The following CNTN6 variants were observed in gnomAD, a reference collection of about 807,000 sequenced individuals.
CNTN6 encodes the protein contactin 6.
CNTN6 carries 137 observed loss-of-function variants against 122.8 expected under a neutral mutation model. The observed-to-expected ratio is 1.12, with a 90% CI of 0.97 to 1.29. The LOEUF (loss-of-function observed/expected upper bound fraction) is 1.29. Among genes scored for constraint, CNTN6 ranks in the 50% most tolerant of loss-of-function variants. The pLI is 0.00. For missense variants in CNTN6, 1,634 were observed against 1,223.4 expected (o/e 1.34, Z -5.01); for synonymous variants, 570 against 426.0 (o/e 1.34, Z -4.16).
At chr3:1,340,989 C>T (rs975751829) in intron 11 of CNTN6, among the ~76,000 whole-genome samples, 140 of 152,218 alleles carry the variant, frequency 9.2e-4, no homozygotes, top group African/African-American at 3.2e-3. Context: ...AAGCTTTCAG[C>T]AGAAACAACT....
In CNTN6 at chr3:1,399,578, C is replaced by T. The variant is rs114522033; in HGVS notation, c.2705-1855C>T. On this transcript the variant is annotated intron_variant, in intron 20 of 22. Coordinates refer to ENST00000446702, the MANE Select transcript of CNTN6 (RefSeq NM_001289080.2). ...TGGATTGCTATGAGTCTGACCACGG[C>T]AATTGGTCTTGATCATAGGACAACA... is the stretch of plus-strand genomic sequence containing the variant. 2.5e-3 allele frequency among the ~76,000 whole-genome samples: 385 copies of T among 152,164 alleles called. 3 individuals carry two copies. Among genetic ancestry groups the T allele is most frequent in the African/African-American group, 8.8e-3 (367 of 41,530 alleles).
intron 11 of CNTN6, among the ~76,000 whole-genome samples, chr3:1,332,026 C>A (rs542863082): frequency 1.3e-5 from 2 of 151,918 alleles, no homozygotes; most frequent in Admixed American, 6.6e-5. Context: ...GGGAATGAAC[C>A]CTGTGAGTTC....
chr3:1,162,178 G>A (rs958260142), intron 2 of CNTN6, among the ~76,000 whole-genome samples: 8 of 152,126 alleles, frequency 5.3e-5, no homozygotes, highest in Admixed American at 1.3e-4. Context: ...CAACATTTGA[G>A]TAAGGAACAA....
At chr3:1,346,057 G>T (rs1442690613) in intron 11 of CNTN6, among the ~76,000 whole-genome samples, 1 of 150,886 alleles carries the variant, frequency 6.6e-6, no homozygotes, top group Non-Finnish European at 1.5e-5. Context: ...CAAAGTTATG[G>T]TTGATACCAA....
intron 9 of CNTN6, 122 bp downstream of exon 9, chr3:1,326,073 G>A: frequency 1.3e-6 from 1 of 774,742 alleles, no homozygotes; most frequent in South Asian, 2.1e-5. Flanking sequence ...TTCCAGGAAA[G>A]GATGCATACA....
At chr3:1,251,393 C>T (rs573153581) in intron 4 of CNTN6, among the ~76,000 whole-genome samples, 2 of 152,166 alleles carry the variant, frequency 1.3e-5, no homozygotes, top group African/African-American at 4.8e-5. Flanking sequence ...AACAACTACT[C>T]CTGTCCTTCT....
intron 11 of CNTN6, among the ~76,000 whole-genome samples, chr3:1,330,648 T>C (rs764341334): frequency 6.6e-6 from 1 of 151,902 alleles, no homozygotes; most frequent in Non-Finnish European, 1.5e-5. Flanking sequence ...AATCCTAATG[T>C]GAACGAGCCA....
chr3:1,301,697 A>T (rs1327811760), intron 7 of CNTN6, among the ~76,000 whole-genome samples: 1 of 151,556 alleles, frequency 6.6e-6, no homozygotes, highest in Non-Finnish European at 1.5e-5. Context: ...CCTTGTGGTA[A>T]AAATGGAAAG....
At chr3:1,110,717 A>G (rs534205670) in intron 1 of CNTN6, among the ~76,000 whole-genome samples, 5 of 152,162 alleles carry the variant, frequency 3.3e-5, no homozygotes, top group South Asian at 2.1e-4. Flanking sequence ...AGGTTTGACA[A>G]TGTTGTCAGG....
intron 1 of CNTN6, among the ~76,000 whole-genome samples, chr3:1,138,215 A>G (rs1343661784): frequency 6.6e-6 from 1 of 152,214 alleles, no homozygotes; most frequent in Non-Finnish European, 1.5e-5. Context: ...TCAGGATGGA[A>G]CTAGCACCTC....
At chr3:1,368,065 G>C (rs1275196202) in intron 12 of CNTN6, among the ~76,000 whole-genome samples, 1 of 152,172 alleles carries the variant, frequency 6.6e-6, no homozygotes, top group African/African-American at 2.4e-5. Flanking sequence ...AAAATCCACA[G>C]GCTTAGAAAT....
At chr3:1,138,506 G>A (rs1490593684) in intron 1 of CNTN6, among the ~76,000 whole-genome samples, 1 of 151,796 alleles carries the variant, frequency 6.6e-6, no homozygotes, top group Non-Finnish European at 1.5e-5. Flanking sequence ...TGTTTTGGCC[G>A]ATACTGATCT....
chr3:1,312,655 A>G (rs1029094615), intron 7 of CNTN6, among the ~76,000 whole-genome samples: 2 of 150,792 alleles, frequency 1.3e-5, no homozygotes, highest in African/African-American at 4.9e-5. Flanking sequence ...GTTGCAAGAC[A>G]CATTAGTTCC....
At chr3:1,277,964 C>G (rs1692717078) in intron 4 of CNTN6, among the ~76,000 whole-genome samples, 1 of 152,216 alleles carries the variant, frequency 6.6e-6, no homozygotes, top group South Asian at 2.1e-4. Context: ...TTCTGTCACA[C>G]AGAACTCTTT....
At chr3:1,135,798 G>T (rs1156603855) in intron 1 of CNTN6, among the ~76,000 whole-genome samples, 7 of 152,062 alleles carry the variant, frequency 4.6e-5, no homozygotes, top group Admixed American at 4.6e-4. Flanking sequence ...TTCAAGACCT[G>T]CCTGACCAAC....
At chr3:1,262,485 G>C (rs1218302089) in intron 4 of CNTN6, among the ~76,000 whole-genome samples, 5 of 152,080 alleles carry the variant, frequency 3.3e-5, no homozygotes, top group African/African-American at 1.2e-4. Context: ...CACTTTGTTG[G>C]TCTAAGATTT....
intron 11 of CNTN6, among the ~76,000 whole-genome samples, chr3:1,336,683 C>T (rs1046963521): frequency 6.6e-6 from 1 of 152,066 alleles, no homozygotes; most frequent in Non-Finnish European, 1.5e-5. Context: ...AATGCATGTA[C>T]CTTGTGGGAA....
intron 4 of CNTN6, among the ~76,000 whole-genome samples, chr3:1,277,463 A>AAT (rs1692615274): frequency 7.0e-6 from 1 of 143,004 alleles, no homozygotes; most frequent in Non-Finnish European, 1.5e-5. Context: ...GGGTTCAAGC[A>AAT]ATTCTCATGC....
At chr3:1,307,568 A>ACAAATGCATCATAAT (rs1698563635) in intron 7 of CNTN6, among the ~76,000 whole-genome samples, 1 of 152,096 alleles carries the variant, frequency 6.6e-6, no homozygotes, top group Non-Finnish European at 1.5e-5. Context: ...GATTATTATA[A>ACAAATGCATCATAAT]AGTCCATATT....
Sources: gnomAD v4.1 joint callset for allele counts (sites outside exome capture counted in the v4.1 genomes callset) on GRCh38, gnomAD v4.1.1 for gene constraint, MANE v1.5 for transcripts, NCBI Gene and HGNC (gene_info 2026-07-23, HGNC 2026-07-21) for gene names.